Variants in BTRC observed in about 807,000 individuals in gnomAD.
The protein encoded by BTRC is beta-transducin repeat containing E3 ubiquitin protein ligase, also known as F-box/WD repeat-containing protein 1A.
BTRC carries 42 observed loss-of-function variants against 85.5 expected under a neutral mutation model. The ratio of observed to expected loss-of-function variants is 0.49; its 90% confidence interval spans 0.38 to 0.64. BTRC has a LOEUF of 0.64. BTRC is among the 30% of genes least tolerant of loss of function. The pLI is 0.00. For synonymous variants in BTRC, 255 were observed against 263.3 expected (o/e 0.97, Z 0.30); for missense variants, 594 against 743.5 (o/e 0.80, Z 2.34).
At chr10:101,535,548 G>A in intron 11 of BTRC, 76 bp downstream of exon 11, 3 of 998,986 alleles carry the variant, frequency 3.0e-6, no homozygotes, top group East Asian at 2.7e-5. Context: ...GATCATACAA[G>A]TCTTCAATTT....
At chr10:101,462,942 A>G (rs1945268223) in intron 3 of BTRC, among the ~76,000 whole-genome samples, 1 of 151,550 alleles carries the variant, frequency 6.6e-6, no homozygotes, top group Non-Finnish European at 1.5e-5. Context: ...ATCTCGGCTC[A>G]CTGCAACCTC....
intron 3 of BTRC, 83 bp from the exon 4 acceptor site, chr10:101,479,285 G>A: frequency 9.8e-7 from 1 of 1,017,738 alleles, no homozygotes; most frequent in Non-Finnish European, 1.5e-6. Context: ...GTTTTGACTT[G>A]AGAAATAGAG....
Position 101,538,273 on chromosome 10 carries a change from GT to G in BTRC, c.1578-19del. On this transcript the variant is annotated intron_variant, in intron 12 of 14. Coordinates refer to ENST00000370187, the MANE Select transcript of BTRC (RefSeq NM_033637.4). ...ACATTTGCTTTTAACTAACATTTTT[GT>G]CCCCTTTTTGATCTTTAGAAAAATT... 1 of 1,605,604 alleles carries G rather than the reference GT, an allele frequency of 6.2e-7. No individual in the cohort carries two copies. Among genetic ancestry groups the G allele is most frequent in the South Asian group, 1.1e-5 (1 of 90,876 alleles).
chr10:101,374,133 G>A (rs962812140), intron 1 of BTRC, among the ~76,000 whole-genome samples: 19 of 152,106 alleles, frequency 1.2e-4, no homozygotes, highest in Non-Finnish European at 1.3e-4. Context: ...CGGAGGAATC[G>A]CCACACTGAC....
Position 101,399,138 on chromosome 10 carries a change from A to G in BTRC, c.49-31207A>G, listed in dbSNP as rs1172863321. ...CGGCTAATTTTTTTGTATTTTTAGTAGAGATGGGGTTTCACCATGTTGGCC... is the reference window on the plus strand; with the variant it reads ...CGGCTAATTTTTTTGTATTTTTAGTGGAGATGGGGTTTCACCATGTTGGCC... On this transcript the variant is annotated intron_variant, in intron 1 of 14. Coordinates refer to ENST00000370187, the MANE Select transcript of BTRC (RefSeq NM_033637.4). 2.0e-5 allele frequency among the ~76,000 whole-genome samples: 3 copies of G among 152,026 alleles called. 1 individual carries two copies. The highest frequency in any genetic ancestry group is 6.6e-5 in the Admixed American group (1 of 15,266).
chr10:101,425,425 G>A (rs1180433872), intron 1 of BTRC, among the ~76,000 whole-genome samples: 2 of 152,136 alleles, frequency 1.3e-5, no homozygotes, highest in African/African-American at 2.4e-5. Context: ...TTGGGGTGAC[G>A]TTAGGTGGGA....
chr10:101,376,659 G>A (rs1410069174), intron 1 of BTRC, among the ~76,000 whole-genome samples: 4 of 152,104 alleles, frequency 2.6e-5, no homozygotes, highest in Non-Finnish European at 5.9e-5. Flanking sequence ...AGATGCTGTG[G>A]CTGGTCCCTC....
At chr10:101,478,916 G>A (rs952879586) in intron 3 of BTRC, among the ~76,000 whole-genome samples, 2 of 150,694 alleles carry the variant, frequency 1.3e-5, no homozygotes, top group Non-Finnish European at 3.0e-5. Context: ...CCCAGCCTGG[G>A]TGACAGAGCA....
chr10:101,368,478 T>C (rs988432342), intron 1 of BTRC, among the ~76,000 whole-genome samples: 2 of 136,196 alleles, frequency 1.5e-5, no homozygotes, highest in East Asian at 2.2e-4. Context: ...TTTTTTTTTT[T>C]TTTTTTTTTT....
chr10:101,396,164 T>TA lies in BTRC; in HGVS notation c.49-34174dup, dbSNP rs1368177090. ...AAAGAGTCATAACAATAGAGTTCTTTAAAAAAACACACTGTCTTTGCTCTC... is the reference window on the plus strand; with the variant it reads ...AAAGAGTCATAACAATAGAGTTCTTTAAAAAAAACACACTGTCTTTGCTCTC... On this transcript the variant is annotated intron_variant, in intron 1 of 14. Transcript: ENST00000370187. Among the ~76,000 whole-genome samples, 7 of 151,334 alleles carry TA rather than the reference T, an allele frequency of 4.6e-5. No homozygotes were observed. The East Asian group carries it at 1.3e-3, about 29-fold the overall frequency.
At chr10:101,422,112 C>T (rs533888622) in intron 1 of BTRC, among the ~76,000 whole-genome samples, 1 of 152,352 alleles carries the variant, frequency 6.6e-6, no homozygotes, top group Admixed American at 6.5e-5. Flanking sequence ...TTCCTCTTCT[C>T]CACATCCTCT....
At chr10:101,420,720 A>G (rs915630518) in intron 1 of BTRC, among the ~76,000 whole-genome samples, 2 of 150,952 alleles carry the variant, frequency 1.3e-5, no homozygotes, top group African/African-American at 2.4e-5. Context: ...TTTTCCTACT[A>G]CTTGGACTCC....
intron 4 of BTRC, among the ~76,000 whole-genome samples, chr10:101,487,860 CTG>C (rs1241733198): frequency 6.6e-6 from 1 of 152,288 alleles, no homozygotes; most frequent in South Asian, 2.1e-4. Flanking sequence ...GCAAAAAAAT[CTG>C]TGTTTTATGT....
intron 3 of BTRC, among the ~76,000 whole-genome samples, chr10:101,474,816 G>A (rs1945633442): frequency 6.6e-6 from 1 of 152,100 alleles, no homozygotes; most frequent in African/African-American, 2.4e-5. Context: ...TCAAGATCAG[G>A]CCACTCCTTC....
chr10:101,439,209 T>C (rs1944615011), intron 2 of BTRC, among the ~76,000 whole-genome samples: 1 of 152,226 alleles, frequency 6.6e-6, no homozygotes, highest in Non-Finnish European at 1.5e-5. Flanking sequence ...AGAAGCTTTT[T>C]GTTTTCTGAG....
At chr10:101,397,323 G>A (rs1025914163) in intron 1 of BTRC, among the ~76,000 whole-genome samples, 2 of 152,186 alleles carry the variant, frequency 1.3e-5, no homozygotes, top group Non-Finnish European at 2.9e-5. Context: ...TGTTGTCATG[G>A]CAACCACAGT....
At chr10:101,367,513 A>G (rs900094246) in intron 1 of BTRC, among the ~76,000 whole-genome samples, 3 of 152,164 alleles carry the variant, frequency 2.0e-5, no homozygotes, top group Non-Finnish European at 4.4e-5. Flanking sequence ...GTGAGTTTTT[A>G]CCTAGTGAAC....
intron 4 of BTRC, among the ~76,000 whole-genome samples, chr10:101,492,525 T>C (rs1215359252): frequency 6.6e-6 from 1 of 152,210 alleles, no homozygotes; most frequent in Non-Finnish European, 1.5e-5. Context: ...TTTACAAATC[T>C]GACATTTTAA....
chr10:101,479,497 A>AT (rs1174446319), intron 4 of BTRC, 40 bp downstream of exon 4: 1 of 1,481,690 alleles, frequency 6.7e-7, no homozygotes, highest in East Asian at 2.3e-5. Flanking sequence ...ACACCACACC[A>AT]TAACAGTGCC....
Sources: allele counts gnomAD v4.1 joint callset (sites outside exome capture counted in the v4.1 genomes callset), GRCh38; gene constraint gnomAD v4.1.1; transcripts MANE v1.5; gene names NCBI Gene and HGNC (gene_info 2026-07-23, HGNC 2026-07-21).